JAZF1: variants seen among roughly 807,000 people sequenced by gnomAD.
JAZF1 encodes juxtaposed with another zinc finger protein 1.
A neutral mutation model predicts 26.4 loss-of-function variants in JAZF1; 8 were observed. The observed-to-expected ratio is 0.30, with a 90% CI of 0.18 to 0.55. The LOEUF is 0.55. Ranked by LOEUF, JAZF1 falls within the 20% of genes least tolerant of loss-of-function variation. The pLI, the probability that JAZF1 is intolerant of heterozygous loss-of-function variation, is 0.94. For missense variants in JAZF1, 199 were observed against 322.0 expected, an observed-to-expected ratio of 0.62 and a Z score of 2.92; for synonymous variants, 126 against 122.3, an observed-to-expected ratio of 1.03 and a Z score of -0.20.
chr7:28,108,006 C>T (rs1011703472), intron 1 of JAZF1, among the ~76,000 whole-genome samples: 9 of 152,154 alleles, frequency 5.9e-5, no homozygotes, highest in Non-Finnish European at 1.3e-4. Context: ...ACAATGAGCT[C>T]CCAGGTCCCA....
intron 1 of JAZF1, among the ~76,000 whole-genome samples, chr7:28,142,775 C>T (rs1219433595): frequency 7.2e-5 from 11 of 152,174 alleles, no homozygotes; most frequent in Non-Finnish European, 1.5e-5. Context: ...GGACAACAAC[C>T]TAGCATGAGA....
intron 1 of JAZF1, among the ~76,000 whole-genome samples, chr7:28,071,444 C>A (rs371758827): frequency 9.8e-5 from 15 of 152,324 alleles, no homozygotes; most frequent in African/African-American, 3.4e-4. Context: ...AATCTTTAGT[C>A]CTCCTTTCAA....
At chr7:28,157,394 G>A (rs970026160) in intron 1 of JAZF1, among the ~76,000 whole-genome samples, 1 of 152,224 alleles carries the variant, frequency 6.6e-6, no homozygotes, top group Admixed American at 6.5e-5. Flanking sequence ...CTCTGCCATT[G>A]CAGCACAAAA....
intron 3 of JAZF1, among the ~76,000 whole-genome samples, chr7:27,852,571 C>T (rs1783170959): frequency 6.6e-6 from 1 of 152,188 alleles, no homozygotes; most frequent in Admixed American, 6.5e-5. Flanking sequence ...CTCTTTCTAC[C>T]TGTTTGTGAC....
intron 1 of JAZF1, among the ~76,000 whole-genome samples, chr7:28,068,502 C>A (rs983039137): frequency 2.6e-5 from 4 of 152,140 alleles, no homozygotes; most frequent in African/African-American, 9.7e-5. Context: ...GAAGACCTTG[C>A]AAATGATCCC....
rs1208592672 is a variant in JAZF1, at chr7:27,874,441, C to A, written c.385+20779G>T. Among the ~76,000 whole-genome samples, 9 of 152,284 alleles carry A rather than the reference C, an allele frequency of 5.9e-5. No homozygotes were observed. The East Asian group carries it at 1.7e-3, about 29-fold the overall frequency. ...GTGCAGAGGGAGCTGTCATGTTATT[C>A]CTGGCCCAACGAGAGCAGGAAGTGC... On this transcript the variant is annotated intron_variant, in intron 3 of 4. Transcript: ENST00000283928.
chr7:27,882,831 C>T (rs1783795352), intron 3 of JAZF1, among the ~76,000 whole-genome samples: 1 of 152,056 alleles, frequency 6.6e-6, no homozygotes, highest in African/African-American at 2.4e-5. Context: ...CTGGTGGTGG[C>T]AGGGACGGGG....
intron 1 of JAZF1, among the ~76,000 whole-genome samples, chr7:28,009,091 T>A (rs1376920827): frequency 6.6e-6 from 1 of 152,190 alleles, no homozygotes; most frequent in Non-Finnish European, 1.5e-5. Flanking sequence ...CAGCTGAGTT[T>A]CCACAAATGG....
intron 2 of JAZF1, among the ~76,000 whole-genome samples, chr7:27,904,577 T>C (rs1387412457): frequency 1.3e-5 from 2 of 152,212 alleles, no homozygotes; most frequent in African/African-American, 4.8e-5. Flanking sequence ...TAATCCTATG[T>C]TTCACTTCTT....
chr7:27,846,537 G>A, intron 3 of JAZF1: 1 of 471,108 alleles, frequency 2.1e-6, no homozygotes, highest in South Asian at 1.5e-5. Flanking sequence ...CTGGGGTGAT[G>A]ATCTCATTTT....
At chr7:27,870,216 T>C (rs1156241248) in intron 3 of JAZF1, among the ~76,000 whole-genome samples, 1 of 151,480 alleles carries the variant, frequency 6.6e-6, no homozygotes. Context: ...TGAGCCACCA[T>C]GCCTGGCCCC....
intron 2 of JAZF1, among the ~76,000 whole-genome samples, chr7:27,947,267 T>C (rs1764543048): frequency 6.6e-6 from 1 of 152,264 alleles, no homozygotes; most frequent in South Asian, 2.1e-4. Context: ...ATGCTCATAA[T>C]GTCATGTTTG....
At chr7:28,172,689 C>T (rs1180837339) in intron 1 of JAZF1, among the ~76,000 whole-genome samples, 1 of 152,118 alleles carries the variant, frequency 6.6e-6, no homozygotes, top group Non-Finnish European at 1.5e-5. Context: ...ATAAACCATC[C>T]CACAGCAGAT....
intron 2 of JAZF1, among the ~76,000 whole-genome samples, chr7:27,981,910 C>G (rs556573172): frequency 6.6e-6 from 1 of 152,322 alleles, no homozygotes; most frequent in African/African-American, 2.4e-5. Flanking sequence ...GTGGCCCCAT[C>G]CCTATTCTTT....
At chr7:28,080,427 T>C (rs1034988846) in intron 1 of JAZF1, among the ~76,000 whole-genome samples, 1 of 152,220 alleles carries the variant, frequency 6.6e-6, no homozygotes, top group African/African-American at 2.4e-5. Flanking sequence ...ACTTTTAATT[T>C]CCCTCAAGAA....
chr7:28,138,643 G>T (rs4722762), intron 1 of JAZF1, among the ~76,000 whole-genome samples: 48,277 of 152,050 alleles, frequency 0.32, 9,783 homozygotes, highest in East Asian at 0.97. Flanking sequence ...ATCCTAACTC[G>T]CTCTGTGAAG....
chr7:27,931,526 G>GT (rs1248148749), intron 2 of JAZF1, among the ~76,000 whole-genome samples: 1 of 152,208 alleles, frequency 6.6e-6, no homozygotes, highest in Non-Finnish European at 1.5e-5. Context: ...CAAAAATCAG[G>GT]TTTGGAGGCT....
At chr7:28,154,150 A>G (rs1190939144) in intron 1 of JAZF1, among the ~76,000 whole-genome samples, 2 of 152,094 alleles carry the variant, frequency 1.3e-5, no homozygotes, top group Non-Finnish European at 2.9e-5. Flanking sequence ...ATCCCAACCC[A>G]TGAGGGTAAC....
At chr7:27,998,343 G>A (rs773873278) in intron 1 of JAZF1, among the ~76,000 whole-genome samples, 8 of 151,862 alleles carry the variant, frequency 5.3e-5, no homozygotes, top group South Asian at 2.1e-4. Flanking sequence ...TAGTTCTGTC[G>A]GCTGCAACTT....
Sources: gnomAD v4.1 joint callset for allele counts (sites outside exome capture counted in the v4.1 genomes callset) on GRCh38, gnomAD v4.1.1 for gene constraint, MANE v1.5 for transcripts, NCBI Gene and HGNC (gene_info 2026-07-23, HGNC 2026-07-21) for gene names.